The following SGCA variants were observed in gnomAD, a reference collection of about 807,000 sequenced individuals.
SGCA encodes alpha-sarcoglycan.
SGCA carries 34 observed loss-of-function variants against 38.1 expected under a neutral mutation model. The observed-to-expected ratio is 0.89, with a 90% CI of 0.68 to 1.19. SGCA has a LOEUF of 1.19. SGCA is among the 50% of genes most tolerant of loss of function. The probability of loss-of-function intolerance (pLI) is 0.00; values close to 1 mark genes in which losing one functional copy is unlikely to be tolerated. For synonymous variants in SGCA, 209 were observed against 214.6 expected, an observed-to-expected ratio of 0.97 and a Z score of 0.23; for missense variants, 476 against 524.9, an observed-to-expected ratio of 0.91 and a Z score of 0.91.
intron 1 of SGCA, among the ~76,000 whole-genome samples, chr17:50,166,817 C>T (rs377110851): frequency 8.7e-6 from 1 of 115,366 alleles, no homozygotes; most frequent in African/African-American, 3.6e-5. Flanking sequence ...TCACACACAC[C>T]GTCACACACA....
chr17:50,166,933 ACACACACCCT>A (rs1381668609), intron 1 of SGCA, among the ~76,000 whole-genome samples: 4 of 82,100 alleles, frequency 4.9e-5, no homozygotes, highest in African/African-American at 2.0e-4. Context: ...ACCTTCACAC[ACACACACCCT>A]CACACACACC....
In SGCA at chr17:50,168,545, C is replaced by G. The variant is rs751393023; in HGVS notation, c.557C>G (p.Pro186Arg). The change falls in exon 5 of 10, where the codon CCC (proline) becomes CGC (arginine). Residue 186 changes from proline (P) to arginine (R), a missense_variant. By Grantham distance (103) the Pro-to-Arg change is moderately radical. Coordinates refer to ENST00000262018, the MANE Select transcript of SGCA (RefSeq NM_000023.4). Reference protein sequence around the residue: ...TSALDRGGRVPLPIEGRKEGV... With the variant: ...TSALDRGGRVRLPIEGRKEGV... Reference sequence around the variant, plus strand: ...GCCTTGGACCGTGGGGGCCGTGTCCCCCTTCCCATTGAGGGCCGAAAAGAA... The same window carrying G: ...GCCTTGGACCGTGGGGGCCGTGTCCGCCTTCCCATTGAGGGCCGAAAAGAA... 4 of 1,572,914 alleles carry G rather than the reference C, an allele frequency of 2.5e-6. No homozygotes were observed. In the South Asian group the frequency reaches 3.5e-5, roughly 14 times the overall value.
intron 8 of SGCA, chr17:50,172,105 A>G (rs1270419892): frequency 2.2e-6 from 1 of 455,050 alleles, no homozygotes; most frequent in East Asian, 7.0e-5. Flanking sequence ...TGCCCCTCAC[A>G]GGATGGCTGA....
At position 50,167,030 on chromosome 17, in the gene SGCA, C is replaced by CT. The variant is rs1182625689; in HGVS notation, c.38-338_38-337insT. Reference sequence around the variant, plus strand: ...CCTCACACATACCTTCACACACACACCCCCCCACATCCCCTCACACACACA... The same window carrying CT: ...CCTCACACATACCTTCACACACACACTCCCCCCACATCCCCTCACACACACA... On this transcript the variant is annotated intron_variant, in intron 1 of 9. Transcript: ENST00000262018. The surrounding 1 kb of genome is among the most constrained non-coding windows in gnomAD (Gnocchi z 4.5). Among the ~76,000 whole-genome samples the CT allele has an allele frequency of 5.4e-5, 8 of 147,158 alleles. No individual in the cohort carries two copies. The highest frequency in any genetic ancestry group is 1.8e-4 in the African/African-American group (7 of 39,788).
In SGCA at chr17:50,175,458, G is replaced by T. The variant is rs371049397; in HGVS notation, c.*12+9G>T. On this transcript the variant is annotated intron_variant, in intron 9 of 9. Coordinates refer to ENST00000262018, the MANE Select transcript of SGCA (RefSeq NM_000023.4). ...ACTGACAGCCTAGCCAGGTAGGTCT[G>T]GTGGGTGATGCCAGCCTTATTTCTG... 6.2e-7 allele frequency: 1 copy of T among 1,608,220 alleles called. No homozygotes were observed. The highest frequency in any genetic ancestry group is 8.5e-7 in the Non-Finnish European group (1 of 1,176,292).
rs1213781897 is a variant in SGCA at position 50,167,383 on chromosome 17, TG to T, written c.58del (p.Asp20ThrfsTer27). 1 of 1,614,104 alleles carries T rather than the reference TG, an allele frequency of 6.2e-7. No individual in the cohort carries two copies. The highest frequency in any genetic ancestry group is 1.3e-5 in the African/African-American group (1 of 75,024). On this transcript the variant is annotated frameshift_variant, in exon 2 of 10. Transcript: ENST00000262018. LOFTEE classifies it high-confidence loss of function. The surrounding 1 kb of genome is among the most constrained non-coding windows in gnomAD (Gnocchi z 4.5). ...TPLLVVLLAGLGDTEAQQTTL... is the reference protein window; with the variant it reads ...TPLLVVLLAGXGDTEAQQTTL... ...GTCCCCACAGTTCTCCTGGCAGGGC[TG>T]GGGGACACCGAGGCCCAGCAGACCA...
In SGCA at chr17:50,175,325, G is replaced by A. The variant is rs765429436; in HGVS notation, c.1052G>A (p.Arg351His). Reference protein sequence around the residue: ...TEELRQMAASREVPRPLSTLP... With the variant: ...TEELRQMAASHEVPRPLSTLP... Reference sequence around the variant, plus strand: ...GAGCTGCGGCAGATGGCGGCCAGCCGCGAGGTGCCCCGGCCACTCTCCACC... The same window carrying A: ...GAGCTGCGGCAGATGGCGGCCAGCCACGAGGTGCCCCGGCCACTCTCCACC... The change falls in exon 9 of 10, where the codon CGC becomes CAC. Residue 351 changes from arginine to histidine, a missense_variant. By Grantham distance (29) the Arg-to-His change is conservative. Transcript: ENST00000262018. 21 of 1,609,780 alleles carry A rather than the reference G, an allele frequency of 1.3e-5. No homozygotes were observed. The highest frequency in any genetic ancestry group is 3.3e-4 in the Middle Eastern group (2 of 6,074).
chr17:50,168,297 G>A lies in SGCA; in HGVS notation c.386-77G>A, dbSNP rs367913636. ...GCCTGAAGGGGTGTGCAGGGATGTG[G>A]GGAGGAGCTTCAAGGAGGCTTTGCG... On this transcript the variant is annotated intron_variant, in intron 4 of 9. Transcript: ENST00000262018. The A allele has an allele frequency of 3.9e-4, 501 of 1,282,814 alleles. 10 individuals carry two copies. The South Asian group carries it at 5.2e-3, about 13-fold the overall frequency. The allele number at this position is 1,282,814 out of a possible 1,614,324, so 79.5% of individuals were successfully genotyped here.
In SGCA at chr17:50,168,699, C is replaced by G. The variant is rs955065567; in HGVS notation, c.584+127C>G. 1.8e-5 allele frequency: 15 copies of G among 812,344 alleles called. No individual in the cohort carries two copies. The Admixed American group carries it at 2.8e-4, about 15-fold the overall frequency. 50.3% of individuals were successfully genotyped at this position (812,344 alleles called of 1,614,324 possible). ...CACATCTCCACCTCCCAGCTTCACA[C>G]CCCTCACCACTCTCCTCTGGCTATA... On this transcript the variant is annotated intron_variant, in intron 5 of 9. Coordinates refer to ENST00000262018, the MANE Select transcript of SGCA (RefSeq NM_000023.4).
chr17:50,172,481 T>G (rs1905535137), intron 8 of SGCA: 1 of 330,768 alleles, frequency 3.0e-6, no homozygotes, highest in South Asian at 2.4e-5. Flanking sequence ...GCGGATTTTA[T>G]TTTTTAAAAA....
At chr17:50,173,555 G>C (rs933421236) in intron 8 of SGCA, among the ~76,000 whole-genome samples, 6 of 152,206 alleles carry the variant, frequency 3.9e-5, no homozygotes, top group Admixed American at 1.3e-4. Flanking sequence ...TTTTCCACCT[G>C]TGTGTTGCCA....
In SGCA at chr17:50,169,219, C is replaced by T. The variant is rs764099922; in HGVS notation, c.712C>T (p.Pro238Ser). 6.2e-7 allele frequency: 1 copy of T among 1,613,986 alleles called. No individual in the cohort carries two copies. Among genetic ancestry groups the T allele is most frequent in the Non-Finnish European group, 8.5e-7 (1 of 1,179,936 alleles). The change falls in exon 6 of 10, where the codon CCC becomes TCC. Residue 238 changes from proline to serine, a missense_variant. By Grantham distance (74) the Pro-to-Ser change is moderately conservative. Coordinates refer to ENST00000262018, the MANE Select transcript of SGCA (RefSeq NM_000023.4). Reference protein sequence around the residue: ...PLLSCYDTLAPHFRVDWCNVT... With the variant: ...PLLSCYDTLASHFRVDWCNVT... Reference sequence around the variant, plus strand: ...TCTGTCTTGCTACGACACCTTGGCACCCCACTTCCGCGTTGACTGGTGCAA... The same window carrying T: ...TCTGTCTTGCTACGACACCTTGGCATCCCACTTCCGCGTTGACTGGTGCAA...
chr17:50,168,055 T>C, intron 4 of SGCA, 36 bp downstream of exon 4: 1 of 1,571,498 alleles, frequency 6.4e-7, no homozygotes, highest in South Asian at 1.1e-5. Context: ...TCCCCACCAA[T>C]GCCAGTCTTG....
At chr17:50,170,467 C>G (rs1905286904) in intron 7 of SGCA, 116 bp downstream of exon 7, 2 of 1,365,400 alleles carry the variant, frequency 1.5e-6, no homozygotes, top group African/African-American at 2.9e-5. Flanking sequence ...TTCTCAGGCA[C>G]AAAAGGAGTG....
At chr17:50,170,055 G>A (rs1036593716) in intron 6 of SGCA, 88 bp from the exon 7 acceptor site, 37 of 1,117,572 alleles carry the variant, frequency 3.3e-5, no homozygotes, top group Non-Finnish European at 4.7e-5. Flanking sequence ...TGTGTCTCCT[G>A]CCTCCTAGTC....
chr17:50,168,258 T>G, intron 4 of SGCA, 116 bp from the exon 5 acceptor site: 1 of 926,012 alleles, frequency 1.1e-6, no homozygotes, highest in Admixed American at 2.0e-5. Context: ...CTGTGATGGA[T>G]GGGGCATTGA....
rs1905164906 is a variant in SGCA at position 50,169,145 on chromosome 17, T to C, written c.638T>C (p.Val213Ala). ...CCTTTTTCTACTTGCCTGAAGATGG[T>C]GGCATCCCCCGATAGCCACGCCCGC... ...ASPFSTCLKM[V>A]ASPDSHARCA... Residue 213 changes from valine (V) to alanine (A), a missense_variant, in exon 6 of 10, where the codon GTG becomes GCG. Coordinates refer to ENST00000262018, the MANE Select transcript of SGCA (RefSeq NM_000023.4). 6.2e-7 allele frequency: 1 copy of C among 1,613,868 alleles called. No homozygotes were observed. Among genetic ancestry groups the C allele is most frequent in the Non-Finnish European group, 8.5e-7 (1 of 1,179,994 alleles).
chr17:50,167,689 C>G lies in SGCA; in HGVS notation c.265C>G (p.Leu89Val), dbSNP rs773161308. ...TQRSPHHPGF[L>V]YGSATPEDRG... ...GCGCAGCCCCCACCACCCTGGCTTC[C>G]TCTACGGCTCTGCCACCCCAGAAGA... Residue 89 changes from leucine to valine, a missense_variant, in exon 3 of 10, where the codon CTC becomes GTC. By Grantham distance (32) the Leu-to-Val change is conservative. Transcript: ENST00000262018. This position sits in a 1 kb window ranked among gnomAD's most constrained non-coding sequence, Gnocchi z 4.5. The G allele has an allele frequency of 2.5e-6, 4 of 1,613,600 alleles. No homozygotes were observed. In the South Asian group the frequency reaches 3.3e-5, roughly 13 times the overall value.
At chr17:50,170,524 G>T in intron 7 of SGCA, 116 bp from the exon 8 acceptor site, 2 of 1,358,006 alleles carry the variant, frequency 1.5e-6, no homozygotes, top group South Asian at 1.2e-5. Context: ...TGCCTGGCCT[G>T]GCACCAGGAG....
Sources: gnomAD v4.1 joint callset for allele counts (sites outside exome capture counted in the v4.1 genomes callset) on GRCh38, gnomAD v4.1.1 for gene constraint, Gnocchi (gnomAD v3.1) non-coding constraint, MANE v1.5 for transcripts, NCBI Gene and HGNC (gene_info 2026-07-23, HGNC 2026-07-21) for gene names.